Variants in UBASH3A observed in about 807,000 individuals in gnomAD.
UBASH3A encodes the protein ubiquitin-associated and SH3 domain-containing protein A.
A neutral mutation model predicts 73.5 loss-of-function variants in UBASH3A; 63 were observed. The observed-to-expected ratio is 0.86, with a 90% confidence interval of 0.70 to 1.06. The LOEUF (loss-of-function observed/expected upper bound fraction) is 1.06. Among genes scored for constraint, UBASH3A ranks in the 50% least tolerant of loss-of-function variants. The pLI is 0.00. For synonymous variants in UBASH3A, 363 were observed against 351.1 expected (o/e 1.03, Z -0.38); for missense variants, 860 against 859.0 (o/e 1.00, Z -0.02).
chr21:42,446,799 A>G (rs754397457), intron 14 of UBASH3A, among the ~76,000 whole-genome samples: 1 of 152,196 alleles, frequency 6.6e-6, no homozygotes, highest in Non-Finnish European at 1.5e-5. Context: ...TCTACCTGCT[A>G]GGTGTCGGCA....
chr21:42,409,200 G>A (rs2053040261), intron 2 of UBASH3A, among the ~76,000 whole-genome samples: 1 of 152,196 alleles, frequency 6.6e-6, no homozygotes, highest in South Asian at 2.1e-4. Flanking sequence ...GGGTCTGAGA[G>A]CAGGACTTAC....
intron 11 of UBASH3A, among the ~76,000 whole-genome samples, chr21:42,440,460 G>A (rs920872981): frequency 1.3e-5 from 2 of 152,182 alleles, no homozygotes; most frequent in Non-Finnish European, 2.9e-5. Flanking sequence ...AGCAAGAAAT[G>A]CACACAAATA....
intron 11 of UBASH3A, among the ~76,000 whole-genome samples, chr21:42,439,433 T>C (rs1452044726): frequency 6.6e-6 from 1 of 152,178 alleles, no homozygotes; most frequent in Non-Finnish European, 1.5e-5. Context: ...GGTTCCCATG[T>C]TGATTGCATC....
Position 42,434,923 on chromosome 21 carries a change from A to G in UBASH3A, c.1362A>G (p.Ser454=). The G allele has an allele frequency of 1.2e-6, 2 of 1,614,216 alleles. No homozygotes were observed. Among genetic ancestry groups the G allele is most frequent in the East Asian group, 2.2e-5 (1 of 44,892 alleles). The change falls in exon 10 of 15, where the codon TCA becomes TCG. Residue 454 remains serine, a synonymous_variant. Coordinates refer to ENST00000319294, the MANE Select transcript of UBASH3A (RefSeq NM_018961.4). ...IKDFENDPPL[S]SCGIFQSRIA... is the part of the protein sequence containing the mutation. ...ACTTTGAAAACGATCCCCCATTATC[A>G]TCGTGTGGCATTTTCCAGTCCAGAA...
chr21:42,418,302 G>A (rs2053263427), intron 6 of UBASH3A, 99 bp from the exon 7 acceptor site: 3 of 1,011,282 alleles, frequency 3.0e-6, no homozygotes, highest in Admixed American at 1.8e-5. Context: ...CATTGGAGGG[G>A]CAGAAAGCAG....
chr21:42,437,612 T>C (rs1354495318), intron 11 of UBASH3A, 32 bp downstream of exon 11: 6 of 1,585,636 alleles, frequency 3.8e-6, no homozygotes, highest in South Asian at 1.1e-5. Flanking sequence ...CCTCTCCTAC[T>C]GCCTTGACCT....
chr21:42,429,352 G>A (rs1488136113), intron 8 of UBASH3A, among the ~76,000 whole-genome samples: 1 of 152,188 alleles, frequency 6.6e-6, no homozygotes, highest in Non-Finnish European at 1.5e-5. Context: ...TAGAGAATTG[G>A]TGCAGCCCTG....
In UBASH3A at chr21:42,418,573, A is replaced by C; in HGVS notation, c.1010A>C (p.Asp337Ala). The change falls in exon 7 of 15, where the codon GAT (aspartate) becomes GCT (alanine). Residue 337 changes from aspartate (D) to alanine (A), a missense_variant. Physicochemically the swap from Asp to Ala is moderately radical, Grantham distance 126. Coordinates refer to ENST00000319294, the MANE Select transcript of UBASH3A (RefSeq NM_018961.4). ...CRGFLPENYT[D>A]RASESDTWVK... ...GGCTTCCTGCCGGAAAACTACACGGATCGAGCCAGTGAGTCTGACACGTGG... is the reference window on the plus strand; with the variant it reads ...GGCTTCCTGCCGGAAAACTACACGGCTCGAGCCAGTGAGTCTGACACGTGG... 1 of 1,614,154 alleles carries C rather than the reference A, an allele frequency of 6.2e-7. No homozygotes were observed. Among genetic ancestry groups the C allele is most frequent in the South Asian group, 1.1e-5 (1 of 91,080 alleles).
chr21:42,443,086 C>T, intron 12 of UBASH3A: 2 of 1,317,388 alleles, frequency 1.5e-6, no homozygotes, highest in Non-Finnish European at 1.9e-6. Flanking sequence ...TCTGACTCTG[C>T]CATCACAGAG....
At chr21:42,445,957 G>C (rs1452314454) in intron 14 of UBASH3A, among the ~76,000 whole-genome samples, 1 of 152,134 alleles carries the variant, frequency 6.6e-6, no homozygotes, top group Admixed American at 6.5e-5. Flanking sequence ...CTGCAAATGG[G>C]TCTCCCACAC....
intron 8 of UBASH3A, among the ~76,000 whole-genome samples, chr21:42,428,447 C>G (rs894799947): frequency 6.6e-6 from 1 of 151,960 alleles, no homozygotes; most frequent in African/African-American, 2.4e-5. Context: ...CTTGGGAGAG[C>G]CGAGACTCCC....
chr21:42,411,143 C>G (rs1254561138), intron 3 of UBASH3A, among the ~76,000 whole-genome samples: 1 of 151,324 alleles, frequency 6.6e-6, no homozygotes, highest in Non-Finnish European at 1.5e-5. Context: ...ACAGCACACA[C>G]AGATACACAC....
intron 7 of UBASH3A, 48 bp downstream of exon 7, chr21:42,418,657 T>C (rs376343190): frequency 1.9e-6 from 3 of 1,539,080 alleles, no homozygotes; most frequent in Admixed American, 3.7e-5. Flanking sequence ...TCTGAGTTAC[T>C]GTGTGAGAGT....
intron 2 of UBASH3A, among the ~76,000 whole-genome samples, chr21:42,407,864 G>A (rs1244027029): frequency 2.6e-5 from 4 of 152,192 alleles, no homozygotes; most frequent in African/African-American, 4.8e-5. Context: ...TCATCAATGC[G>A]GGAATGAACA....
intron 11 of UBASH3A, among the ~76,000 whole-genome samples, chr21:42,442,001 C>G (rs968689104): frequency 6.6e-6 from 1 of 152,166 alleles, no homozygotes; most frequent in Non-Finnish European, 1.5e-5. Flanking sequence ...CCTCTTGCCC[C>G]GTCTGTGTAA....
intron 9 of UBASH3A, among the ~76,000 whole-genome samples, chr21:42,433,032 C>A (rs2053563271): frequency 6.6e-6 from 1 of 152,200 alleles, no homozygotes. Flanking sequence ...TGAACTGACA[C>A]ACCTTGTCCA....
At chr21:42,406,042 T>TC (rs913881959) in intron 1 of UBASH3A, among the ~76,000 whole-genome samples, 103 of 147,042 alleles carry the variant, frequency 7.0e-4, no homozygotes, top group East Asian at 6.1e-4. Flanking sequence ...GGTCAGGTCC[T>TC]CAGCCCTGAG....
At chr21:42,440,782 C>A (rs866557249) in intron 11 of UBASH3A, among the ~76,000 whole-genome samples, 1 of 152,200 alleles carries the variant, frequency 6.6e-6, no homozygotes, top group African/African-American at 2.4e-5. Context: ...CCCTACCCAA[C>A]CTCTCTCACC....
At chr21:42,439,086 A>C (rs191525489) in intron 11 of UBASH3A, among the ~76,000 whole-genome samples, 412 of 152,188 alleles carry the variant, frequency 2.7e-3, no homozygotes, top group African/African-American at 9.4e-3. Flanking sequence ...CCCTCAGAGC[A>C]CCTTCAAATC....
Sources: gnomAD v4.1 joint callset for allele counts (sites outside exome capture counted in the v4.1 genomes callset) on GRCh38, gnomAD v4.1.1 for gene constraint, MANE v1.5 for transcripts, NCBI Gene and HGNC (gene_info 2026-07-23, HGNC 2026-07-21) for gene names.